Variants in GRM7 observed in about 807,000 individuals in gnomAD.
GRM7 encodes metabotropic glutamate receptor 7.
In GRM7, 35 loss-of-function variants were observed where a neutral mutation model predicts 84.5. That is an observed-to-expected ratio of 0.41 (90% CI 0.32 to 0.55). The LOEUF is 0.55. Among genes scored for constraint, GRM7 ranks in the 20% least tolerant of loss-of-function variants. The pLI, the probability that GRM7 is intolerant of heterozygous loss-of-function variation, is 0.19. For missense variants in GRM7, 1,003 were observed against 1,194.6 expected (o/e 0.84, Z 2.36); for synonymous variants, 487 against 455.1 (o/e 1.07, Z -0.89).
At chr3:7,378,757 C>T (rs564186172) in intron 4 of GRM7, among the ~76,000 whole-genome samples, 177 of 152,236 alleles carry the variant, frequency 1.2e-3, no homozygotes, top group African/African-American at 4.1e-3. Flanking sequence ...ATGAAGACCC[C>T]CATGTCTACA....
At chr3:7,509,347 T>C (rs992905108) in intron 7 of GRM7, among the ~76,000 whole-genome samples, 1 of 152,202 alleles carries the variant, frequency 6.6e-6, no homozygotes, top group African/African-American at 2.4e-5. Flanking sequence ...TCATCTTAGG[T>C]ATTCACATAC....
At chr3:7,577,496 G>A (rs1695024764) in intron 7 of GRM7, among the ~76,000 whole-genome samples, 1 of 152,176 alleles carries the variant, frequency 6.6e-6, no homozygotes, top group Admixed American at 6.5e-5. Flanking sequence ...GAAGAGAAAA[G>A]AAAGAGCAGA....
At chr3:7,609,484 A>G (rs1311195287) in intron 8 of GRM7, among the ~76,000 whole-genome samples, 1 of 152,202 alleles carries the variant, frequency 6.6e-6, no homozygotes, top group Non-Finnish European at 1.5e-5. Flanking sequence ...GCTCTAGACC[A>G]CAAGTGAAAC....
intron 4 of GRM7, among the ~76,000 whole-genome samples, chr3:7,370,216 C>T (rs1378589419): frequency 1.3e-5 from 2 of 152,192 alleles, no homozygotes; most frequent in East Asian, 1.9e-4. Context: ...TTTTTTACTA[C>T]AAACTAGTAA....
At chr3:7,249,448 C>T (rs759232597) in intron 2 of GRM7, among the ~76,000 whole-genome samples, 2 of 152,104 alleles carry the variant, frequency 1.3e-5, no homozygotes, top group Non-Finnish European at 2.9e-5. Flanking sequence ...ACTTTATCAG[C>T]CACACACCTA....
intron 7 of GRM7, among the ~76,000 whole-genome samples, chr3:7,557,820 G>A (rs1196290817): frequency 6.6e-6 from 1 of 152,120 alleles, no homozygotes; most frequent in African/African-American, 2.4e-5. Flanking sequence ...TCTTAAGACA[G>A]CCTTTCCAAA....
At chr3:7,608,930 C>T (rs1049597831) in intron 8 of GRM7, among the ~76,000 whole-genome samples, 75 of 152,076 alleles carry the variant, frequency 4.9e-4, no homozygotes, top group African/African-American at 1.6e-3. Flanking sequence ...ATTTTCTGCA[C>T]GTGGCTAGCC....
intron 9 of GRM7, among the ~76,000 whole-genome samples, chr3:7,693,312 G>T (rs1575640424): frequency 6.6e-6 from 1 of 152,206 alleles, no homozygotes; most frequent in East Asian, 1.9e-4. Context: ...CAGAAGATTT[G>T]CTAACATTAA....
intron 8 of GRM7, among the ~76,000 whole-genome samples, chr3:7,625,425 C>A (rs574636318): frequency 1.1e-4 from 17 of 152,146 alleles, no homozygotes; most frequent in Admixed American, 4.6e-4. Flanking sequence ...TTTACAAGCC[C>A]TTCTACACTA....
chr3:7,657,041 A>G (rs533501014), intron 8 of GRM7, among the ~76,000 whole-genome samples: 1 of 152,224 alleles, frequency 6.6e-6, no homozygotes, highest in Non-Finnish European at 1.5e-5. Flanking sequence ...TCATATGACT[A>G]ATAACTAGAA....
chr3:6,950,154 T>G (rs1011983925), intron 1 of GRM7, among the ~76,000 whole-genome samples: 1 of 152,226 alleles, frequency 6.6e-6, no homozygotes, highest in Non-Finnish European at 1.5e-5. Context: ...TTTCCAGTTT[T>G]TCTGCTCTGT....
chr3:7,211,933 C>T (rs1001987166), intron 2 of GRM7, among the ~76,000 whole-genome samples: 2 of 151,722 alleles, frequency 1.3e-5, no homozygotes, highest in African/African-American at 4.8e-5. Flanking sequence ...GCTCCGTGGC[C>T]GTTTTTGTCT....
Position 7,098,679 on chromosome 3 carries a change from G to A in GRM7, c.520-47773G>A, listed in dbSNP as rs60654141. ...TATAATTATAGCTCTAGCAGAGAAA[G>A]CTGTTAAGAAATATTTTTCGGTGCC... is the stretch of plus-strand genomic sequence containing the variant. On this transcript the variant is annotated intron_variant, in intron 1 of 9. Coordinates refer to ENST00000357716, the MANE Select transcript of GRM7 (RefSeq NM_000844.4). Among the ~76,000 whole-genome samples, 562 of 152,096 alleles carry A rather than the reference G, an allele frequency of 3.7e-3. 2 individuals carry two copies. The highest frequency in any genetic ancestry group is 0.013 in the African/African-American group (541 of 41,538).
chr3:7,182,915 T>TC (rs1695390310), intron 2 of GRM7, among the ~76,000 whole-genome samples: 1 of 146,826 alleles, frequency 6.8e-6, no homozygotes, highest in African/African-American at 2.7e-5. Flanking sequence ...TTTTTTTTTT[T>TC]CAATGAAAAA....
At chr3:7,266,235 G>A (rs1698633439) in intron 2 of GRM7, among the ~76,000 whole-genome samples, 1 of 152,202 alleles carries the variant, frequency 6.6e-6, no homozygotes, top group Admixed American at 6.5e-5. Flanking sequence ...TCAAGCCAGT[G>A]CTATTAAAAC....
chr3:7,321,031 GC>G (rs1700759863), intron 4 of GRM7, among the ~76,000 whole-genome samples: 1 of 151,708 alleles, frequency 6.6e-6, no homozygotes, highest in African/African-American at 2.4e-5. Flanking sequence ...GTATCCTAGT[GC>G]TTTTTTCCAT....
intron 4 of GRM7, among the ~76,000 whole-genome samples, chr3:7,352,049 CA>C (rs1693174134): frequency 8.9e-6 from 1 of 112,080 alleles, no homozygotes; most frequent in Non-Finnish European, 1.7e-5. Flanking sequence ...CTCACACACA[CA>C]CACACACCAC....
chr3:7,203,666 T>C (rs569384163), intron 2 of GRM7, among the ~76,000 whole-genome samples: 93 of 152,324 alleles, frequency 6.1e-4, no homozygotes, highest in African/African-American at 2.0e-3. Flanking sequence ...TTGAGAAATC[T>C]GCATACTGTT....
rs138124609 is a variant in GRM7 at position 7,472,968 on chromosome 3, T to C, written c.1515+11246T>C. ...TTCCTCAAAAAGTATCTCAAAAAGGTAAACATAAGGTGACCACATGAGTTA... is the reference window on the plus strand; with the variant it reads ...TTCCTCAAAAAGTATCTCAAAAAGGCAAACATAAGGTGACCACATGAGTTA... On this transcript the variant is annotated intron_variant, in intron 7 of 9. Coordinates refer to ENST00000357716, the MANE Select transcript of GRM7 (RefSeq NM_000844.4). 8.0e-3 allele frequency among the ~76,000 whole-genome samples: 1,216 copies of C among 152,242 alleles called. 20 individuals are homozygous for C. Among genetic ancestry groups the C allele is most frequent in the African/African-American group, 0.026 (1,090 of 41,534 alleles).
Sources: allele counts gnomAD v4.1 joint callset (sites outside exome capture counted in the v4.1 genomes callset), GRCh38; gene constraint gnomAD v4.1.1; transcripts MANE v1.5; gene names NCBI Gene and HGNC (gene_info 2026-07-23, HGNC 2026-07-21).